The following TNK2 variants were observed in gnomAD, a reference collection of about 807,000 sequenced individuals.
The protein encoded by TNK2 is activated CDC42 kinase 1.
In TNK2, 83 loss-of-function variants were observed where a neutral mutation model predicts 101.8. The observed-to-expected ratio is 0.82, with a 90% confidence interval of 0.68 to 0.98. TNK2 has a LOEUF of 0.98. TNK2 is among the 50% of genes least tolerant of loss of function. The pLI is 0.00. For missense variants in TNK2, 1,665 were observed against 1,483.2 expected, an observed-to-expected ratio of 1.12 and a Z score of -2.01; for synonymous variants, 804 against 633.0, an observed-to-expected ratio of 1.27 and a Z score of -4.06.
chr3:195,902,484 G>A (rs1378507437), intron 1 of TNK2, among the ~76,000 whole-genome samples: 6 of 151,998 alleles, frequency 3.9e-5, no homozygotes, highest in East Asian at 2.0e-4. Flanking sequence ...CAGGCGTGGT[G>A]GCATGTGCCT....
In TNK2 at chr3:195,867,585, C is replaced by T. The variant is rs148323328; in HGVS notation, c.2713G>A (p.Val905Met). Residue 905 changes from valine to methionine, a missense_variant, in exon 13 of 16, where the codon GTG becomes ATG. By Grantham distance (21) the Val-to-Met change is conservative. This residue lies in a region of TNK2 where 1,136 missense variants were observed against 894.9 expected (regional missense o/e 1.27). Coordinates refer to ENST00000672887, the MANE Select transcript of TNK2 (RefSeq NM_001382273.1). ...QSPEEPTPLPVPLLLPPPSTP... is the reference protein window; with the variant it reads ...QSPEEPTPLPMPLLLPPPSTP... ...CTGGGTGGGGGCAGCAGCAGAGGCA[C>T]AGGCAGGGGGGTAGGCTCCTCGGGG... The T allele has an allele frequency of 8.5e-3, 13,560 of 1,587,350 alleles. 77 individuals carry two copies. The highest frequency in any genetic ancestry group is 0.011 in the Non-Finnish European group (12,818 of 1,174,646).
intron 1 of TNK2, chr3:195,892,502 G>A: frequency 6.5e-7 from 1 of 1,535,052 alleles, no homozygotes; most frequent in East Asian, 2.4e-5. Flanking sequence ...CACGCAGCGG[G>A]ACCCCCCCGA....
chr3:195,866,042 G>A (rs906880288), intron 15 of TNK2, among the ~76,000 whole-genome samples: 1 of 152,212 alleles, frequency 6.6e-6, no homozygotes, highest in Non-Finnish European at 1.5e-5. Context: ...CTCCAGCCAT[G>A]TGACCTCAGT....
intron 1 of TNK2, among the ~76,000 whole-genome samples, chr3:195,903,002 G>A (rs1485300374): frequency 2.0e-5 from 3 of 146,824 alleles, no homozygotes; most frequent in Non-Finnish European, 3.0e-5. Context: ...CACCCACCTC[G>A]GCCTCCCAAA....
Position 195,863,981 on chromosome 3 carries a change from G to A in TNK2, c.*200C>T, listed in dbSNP as rs545320014. On this transcript the variant is annotated 3_prime_UTR_variant, in exon 16 of 16. Transcript: ENST00000672887. Reference sequence around the variant, plus strand: ...GCAGGGGCACCGGGACTGAACCAAAGTGTGCAGGGACAGCGCTGGTGCAGG... The same window carrying A: ...GCAGGGGCACCGGGACTGAACCAAAATGTGCAGGGACAGCGCTGGTGCAGG... The A allele has an allele frequency of 5.6e-5, 35 of 619,592 alleles. No homozygotes were observed. Among genetic ancestry groups the A allele is most frequent in the Non-Finnish European group, 9.7e-5 (35 of 359,056 alleles). 38.4% of individuals were successfully genotyped at this position (619,592 alleles called of 1,614,324 possible). A position where few individuals can be genotyped will look rare whatever the true frequency, so the allele number is the denominator to read the frequency against.
intron 1 of TNK2, among the ~76,000 whole-genome samples, chr3:195,899,904 G>A (rs1449336376): frequency 1.3e-5 from 2 of 150,998 alleles, no homozygotes; most frequent in African/African-American, 5.0e-5. Context: ...CTGCTGCCAG[G>A]TTGCTTTCCC....
intron 1 of TNK2, chr3:195,892,536 C>T (rs1445053951): frequency 6.5e-7 from 1 of 1,529,128 alleles, no homozygotes; most frequent in Non-Finnish European, 8.7e-7. Context: ...ATCCAGTGGC[C>T]TCGGCTCCGG....
intron 4 of TNK2, 137 bp from the exon 5 acceptor site, chr3:195,883,446 G>C (rs960094566): frequency 9.6e-7 from 1 of 1,039,850 alleles, no homozygotes; most frequent in South Asian, 1.5e-5. Context: ...CATGTCACCA[G>C]TGCCTGGGCT....
chr3:195,906,738 T>G (rs1761759659), intron 1 of TNK2, among the ~76,000 whole-genome samples: 1 of 152,160 alleles, frequency 6.6e-6, no homozygotes, highest in Non-Finnish European at 1.5e-5. Context: ...TATGCTCAGT[T>G]TACCATATGT....
chr3:195,903,728 T>C (rs1761461059), intron 1 of TNK2, among the ~76,000 whole-genome samples: 2 of 151,288 alleles, frequency 1.3e-5, no homozygotes, highest in South Asian at 4.2e-4. Context: ...AAAAAAACAA[T>C]AACATTATAC....
rs576322014 is a variant in TNK2 at position 195,868,514 on chromosome 3, G to A, written c.1784C>T (p.Pro595Leu). 3.3e-5 allele frequency: 52 copies of A among 1,556,920 alleles called. 1 individual carries two copies. The highest frequency in any genetic ancestry group is 4.0e-5 in the Non-Finnish European group (46 of 1,160,494). Residue 595 changes from proline (P) to leucine (L), a missense_variant, in exon 13 of 16, where the codon CCG becomes CTG. Around this residue, in one of 3 missense-constraint regions of TNK2, gnomAD observed 1,136 missense variants for 894.9 expected, o/e 1.27. Transcript: ENST00000672887. ...LIDFGEEPVV[P>L]ALRPCAPSLA... ...GGAGGGCGCGCAGGGCCGTAGGGCC[G>A]GGACCACGGGCTCCTCACCGAAGTC... is the stretch of plus-strand genomic sequence containing the variant.
rs1741815357 is a variant in TNK2 at position 195,867,646 on chromosome 3, C to CAG, written c.2650_2651dup (p.Glu885TrpfsTer104). The stretch of plus-strand genomic sequence containing the variant: ...CACGCAGGAAGCGCTGGTAGCGCTC[C>CAG]AGGTAGGATGGTCGCTCGGGCAGCA... On this transcript the variant is annotated frameshift_variant, in exon 13 of 16. Coordinates refer to ENST00000672887, the MANE Select transcript of TNK2 (RefSeq NM_001382273.1). LOFTEE classifies it high-confidence loss of function. 6.2e-7 allele frequency: 1 copy of CAG among 1,603,192 alleles called. No homozygotes were observed. Among genetic ancestry groups the CAG allele is most frequent in the Non-Finnish European group, 8.5e-7 (1 of 1,179,562 alleles).
rs1560520964 is a variant in TNK2, at chr3:195,884,800, CAGAG to C, written c.456+8_456+11del. 6 of 1,601,902 alleles carry C rather than the reference CAGAG, an allele frequency of 3.7e-6. No homozygotes were observed. The highest frequency in any genetic ancestry group is 4.3e-6 in the Non-Finnish European group (5 of 1,175,288). On this transcript the variant is annotated splice_region_variant and intron_variant, in intron 4 of 15. Coordinates refer to ENST00000672887, the MANE Select transcript of TNK2 (RefSeq NM_001382273.1). The stretch of plus-strand genomic sequence containing the variant: ...ATGCCTCTGCTGCGCTGGCAGGACA[CAGAG>C]AGCTCACCGTCTTCCCTGAGGGCGC...
At chr3:195,873,212 C>T (rs193040512) in intron 9 of TNK2, among the ~76,000 whole-genome samples, 1 of 152,228 alleles carries the variant, frequency 6.6e-6, no homozygotes, top group Non-Finnish European at 1.5e-5. Context: ...GGCTGCCAGT[C>T]CCCCTCTGAC....
At chr3:195,866,817 C>T in intron 15 of TNK2, 72 bp downstream of exon 15, 3 of 1,555,402 alleles carry the variant, frequency 1.9e-6, no homozygotes, top group African/African-American at 1.4e-5. Flanking sequence ...TGTTGGGCTT[C>T]CTCCCAGTGT....
At position 195,885,079 on chromosome 3, in the gene TNK2, G is replaced by T. The variant is rs755518184; in HGVS notation, c.235-46C>A. Reference sequence around the variant, plus strand: ...GCCAGATGGAATCCAACACCCCAGGGTCAGTCACTCAGTCCCACCCCGCTG... The same window carrying T: ...GCCAGATGGAATCCAACACCCCAGGTTCAGTCACTCAGTCCCACCCCGCTG... On this transcript the variant is annotated intron_variant, in intron 3 of 15. Coordinates refer to ENST00000672887, the MANE Select transcript of TNK2 (RefSeq NM_001382273.1). The surrounding 1 kb of genome is among the most constrained non-coding windows in gnomAD (Gnocchi z 4.7). 4 of 1,525,482 alleles carry T rather than the reference G, an allele frequency of 2.6e-6. No individual in the cohort carries two copies. The highest frequency in any genetic ancestry group is 3.5e-6 in the Non-Finnish European group (4 of 1,128,342). The allele number at this position is 1,525,482 out of a possible 1,614,324, so 94.5% of individuals were successfully genotyped here.
chr3:195,869,884 G>C, intron 11 of TNK2: 1 of 556,410 alleles, frequency 1.8e-6, no homozygotes, highest in African/African-American at 1.9e-5. Flanking sequence ...GGGACGCCGG[G>C]GCGGACGGGC....
At chr3:195,866,131 T>G (rs1560463714) in intron 15 of TNK2, among the ~76,000 whole-genome samples, 1 of 152,224 alleles carries the variant, frequency 6.6e-6, no homozygotes, top group Non-Finnish European at 1.5e-5. Flanking sequence ...TGTATATATT[T>G]TAAATGTCTA....
Position 195,864,003 on chromosome 3 carries a change from CAGGA to C in TNK2, c.*174_*177del. 2 of 744,516 alleles carry C rather than the reference CAGGA, an allele frequency of 2.7e-6. No homozygotes were observed. Among genetic ancestry groups the C allele is most frequent in the Non-Finnish European group, 4.5e-6 (2 of 445,474 alleles). The allele number at this position is 744,516 out of a possible 1,614,324, so 46.1% of individuals were successfully genotyped here. The stretch of plus-strand genomic sequence containing the variant: ...AAAGTGTGCAGGGACAGCGCTGGTG[CAGGA>C]GGGATGGGCAGGGCAGGGCTCCCAG... On this transcript the variant is annotated 3_prime_UTR_variant, in exon 16 of 16. Coordinates refer to ENST00000672887, the MANE Select transcript of TNK2 (RefSeq NM_001382273.1).
Sources: gnomAD v4.1 joint callset for allele counts (sites outside exome capture counted in the v4.1 genomes callset) on GRCh38, gnomAD v4.1.1 for gene constraint, gnomAD v4.1.1 regional missense constraint, Gnocchi (gnomAD v3.1) non-coding constraint, MANE v1.5 for transcripts, NCBI Gene and HGNC (gene_info 2026-07-23, HGNC 2026-07-21) for gene names.